ZBTB17: variants seen among roughly 807,000 people sequenced by gnomAD.
The protein encoded by ZBTB17 is zinc finger and BTB domain-containing protein 17.
ZBTB17 carries 24 observed loss-of-function variants against 85.1 expected under a neutral mutation model. The ratio of observed to expected loss-of-function variants is 0.28; its 90% CI spans 0.20 to 0.40. ZBTB17 has a LOEUF of 0.40. ZBTB17 is among the 10% of genes least tolerant of loss of function. The probability of loss-of-function intolerance (pLI) is 1.00; values close to 1 mark genes in which losing one functional copy is unlikely to be tolerated. For synonymous variants in ZBTB17, 464 were observed against 460.2 expected (o/e 1.01, Z -0.11); for missense variants, 743 against 1,105.1 (o/e 0.67, Z 4.65).
At chr1:15,946,040 G>C in intron 5 of ZBTB17, 114 bp downstream of exon 5, 2 of 1,568,620 alleles carry the variant, frequency 1.3e-6, no homozygotes, top group Non-Finnish European at 1.7e-6. Context: ...GGTAACACAG[G>C]CTCAAGAGGT....
chr1:15,975,582 C>T (rs2072840656), intron 1 of ZBTB17, among the ~76,000 whole-genome samples: 1 of 152,242 alleles, frequency 6.6e-6, no homozygotes, highest in Non-Finnish European at 1.5e-5. Flanking sequence ...TCCCTCCCGC[C>T]CCGGCCGGCC....
intron 2 of ZBTB17, among the ~76,000 whole-genome samples, chr1:15,948,734 A>T (rs2071714439): frequency 6.6e-6 from 1 of 152,222 alleles, no homozygotes; most frequent in Admixed American, 6.5e-5. Flanking sequence ...CAAACCAAAA[A>T]GCACTGGGGC....
At chr1:15,945,864 C>T (rs1339283842) in intron 5 of ZBTB17, 24 bp from the exon 6 acceptor site, 1 of 1,581,628 alleles carries the variant, frequency 6.3e-7, no homozygotes, top group Non-Finnish European at 8.6e-7. Flanking sequence ...GCACCGGAGG[C>T]TGGATTGCTA....
intron 2 of ZBTB17, among the ~76,000 whole-genome samples, chr1:15,950,882 C>T (rs1344164341): frequency 6.6e-6 from 1 of 152,236 alleles, no homozygotes; most frequent in African/African-American, 2.4e-5. Context: ...TGCCCTGGGG[C>T]TTCCTGGCAA....
In ZBTB17 at chr1:15,944,967, C is replaced by T; in HGVS notation, c.897G>A (p.Lys299=). 6.3e-7 allele frequency: 1 copy of T among 1,583,562 alleles called. No homozygotes were observed. The highest frequency in any genetic ancestry group is 1.1e-5 in the South Asian group (1 of 87,478). The part of the protein sequence containing the change: ...SGTYGDRTES[K]AYGSVIHKCE... ...ACTTGTGGATGACGGAGCCGTAGGC[C>T]TTGGACTCCGTGCGGTCGCCGTAGG... The change falls in exon 7 of 16, where the codon AAG becomes AAA. Residue 299 remains lysine (K), a synonymous_variant. Coordinates refer to ENST00000375743, the MANE Select transcript of ZBTB17 (RefSeq NM_003443.3).
At chr1:15,946,320 C>A (rs1342174760) in intron 4 of ZBTB17, 26 bp from the exon 5 acceptor site, 4 of 1,594,706 alleles carry the variant, frequency 2.5e-6, no homozygotes, top group Non-Finnish European at 3.4e-6. Flanking sequence ...GGCAGACCTG[C>A]CGTTTCCCAT....
intron 2 of ZBTB17, among the ~76,000 whole-genome samples, chr1:15,969,015 C>T (rs888136246): frequency 2.0e-5 from 3 of 152,206 alleles, no homozygotes; most frequent in Non-Finnish European, 2.9e-5. Context: ...CGAGTGAGCA[C>T]GCAAGTGAGC....
intron 2 of ZBTB17, among the ~76,000 whole-genome samples, chr1:15,961,796 C>G (rs868421653): frequency 6.6e-6 from 1 of 152,168 alleles, no homozygotes; most frequent in Non-Finnish European, 1.5e-5. Flanking sequence ...CTAGTAAGAC[C>G]AGGGAGGTGG....
At chr1:15,945,566 A>G (rs1312893709) in intron 6 of ZBTB17, 149 bp downstream of exon 6, 19 of 1,185,738 alleles carry the variant, frequency 1.6e-5, no homozygotes, top group Non-Finnish European at 2.2e-5. Context: ...AGAACATGCG[A>G]AGACCAAGGT....
At chr1:15,943,219 G>A (rs763695708) in intron 12 of ZBTB17, 25 bp from the exon 13 acceptor site, 19 of 1,613,948 alleles carry the variant, frequency 1.2e-5, no homozygotes, top group African/African-American at 1.3e-5. Context: ...GAAGGGACTC[G>A]CATGGAACTG....
Position 15,952,056 on chromosome 1 carries a change from G to A in ZBTB17, c.-2-3559C>T, listed in dbSNP as rs1304519341. On this transcript the variant is annotated intron_variant, in intron 2 of 15. Transcript: ENST00000375743. The surrounding 1 kb of genome is among the most constrained non-coding windows in gnomAD (Gnocchi z 4.3). The stretch of plus-strand genomic sequence containing the variant: ...CTTGTCTTCACCTTGCGTGATGGGC[G>A]ATAAATATGTGCACTAGTTAAAGCA... 6.6e-6 allele frequency among the ~76,000 whole-genome samples: 1 copy of A among 152,154 alleles called. No homozygotes were observed. Among genetic ancestry groups the A allele is most frequent in the Non-Finnish European group, 1.5e-5 (1 of 68,044 alleles).
At chr1:15,944,911 G>A (rs1226635442) in intron 7 of ZBTB17, 26 bp downstream of exon 7, 2 of 1,563,200 alleles carry the variant, frequency 1.3e-6, no homozygotes, top group Admixed American at 1.9e-5. Flanking sequence ...ACGCTGGCTG[G>A]GAGGGCTGGC....
chr1:15,960,716 A>T (rs901359462), intron 2 of ZBTB17, among the ~76,000 whole-genome samples: 2 of 152,258 alleles, frequency 1.3e-5, no homozygotes, highest in African/African-American at 4.8e-5. Flanking sequence ...GAAGGGCCGG[A>T]TGGCCCATGA....
Position 15,942,596 on chromosome 1 carries a change from G to A in ZBTB17, c.1971C>T (p.Val657=), listed in dbSNP as rs1196172869. 3.1e-6 allele frequency: 5 copies of A among 1,613,098 alleles called. No homozygotes were observed. Among genetic ancestry groups the A allele is most frequent in the Non-Finnish European group, 8.5e-7 (1 of 1,180,046 alleles). ...CCAGCGTGACCATGTCATCCACAGT[G>A]ACCACGCTGACCTCACTGCCCTCCT... ...EPEEGSEVSV[V]TVDDMVTLAT... The change falls in exon 14 of 16, where the codon GTC becomes GTT. Residue 657 remains valine (V), a synonymous_variant. Transcript: ENST00000375743.
chr1:15,968,097 A>G (rs2072510281), intron 2 of ZBTB17, among the ~76,000 whole-genome samples: 1 of 152,196 alleles, frequency 6.6e-6, no homozygotes, highest in African/African-American at 2.4e-5. Flanking sequence ...TCTGGCCCCA[A>G]ATGTCAGAAG....
rs1369323889 is a variant in ZBTB17, at chr1:15,946,967, G to A, written c.362C>T (p.Pro121Leu). 6.2e-7 allele frequency: 1 copy of A among 1,613,550 alleles called. No homozygotes were observed. The highest frequency in any genetic ancestry group is 1.7e-5 in the Admixed American group (1 of 60,012). ...GGCCAAGGCCTCCGCATTTCCCCCAGGGCTGGTAGCCGGCTCAGCAAGTGA... is the reference window on the plus strand; with the variant it reads ...GGCCAAGGCCTCCGCATTTCCCCCAAGGCTGGTAGCCGGCTCAGCAAGTGA... ...LKSLAEPATSPGGNAEALATE... is the reference protein window; with the variant it reads ...LKSLAEPATSLGGNAEALATE... The change falls in exon 4 of 16, where the codon CCT becomes CTT. Residue 121 changes from proline (P) to leucine (L), a missense_variant. This residue lies in a region of ZBTB17 where 279 missense variants were observed against 269.9 expected (regional missense o/e 1.03). Transcript: ENST00000375743.
rs1409628100 is a variant in ZBTB17 at position 15,953,422 on chromosome 1, G to A, written c.-2-4925C>T. Reference sequence around the variant, plus strand: ...CTGGGTTGCTCCCAACCACACTCCCGGCCATGCTCACCAGGGCTGCCTTGA... The same window carrying A: ...CTGGGTTGCTCCCAACCACACTCCCAGCCATGCTCACCAGGGCTGCCTTGA... On this transcript the variant is annotated intron_variant, in intron 2 of 15. Transcript: ENST00000375743. This position sits in a 1 kb window ranked among gnomAD's most constrained non-coding sequence, Gnocchi z 5.1. Among the ~76,000 whole-genome samples, 5 of 152,172 alleles carry A rather than the reference G, an allele frequency of 3.3e-5. No homozygotes were observed. The highest frequency in any genetic ancestry group is 1.9e-4 in the East Asian group (1 of 5,194).
At chr1:15,957,788 T>A (rs2072104943) in intron 2 of ZBTB17, among the ~76,000 whole-genome samples, 1 of 152,024 alleles carries the variant, frequency 6.6e-6, no homozygotes, top group East Asian at 1.9e-4. Flanking sequence ...CAAGCAGATG[T>A]GCGTTGTGAC....
chr1:15,971,434 CACACTATA>C (rs1452051237), intron 2 of ZBTB17, among the ~76,000 whole-genome samples: 3 of 117,682 alleles, frequency 2.5e-5, no homozygotes, highest in Admixed American at 8.6e-5. Context: ...TATATACACA[CACACTATA>C]TATATACACA....
Sources: allele counts gnomAD v4.1 joint callset (sites outside exome capture counted in the v4.1 genomes callset), GRCh38; gene constraint gnomAD v4.1.1; regional missense constraint gnomAD v4.1.1; non-coding constraint Gnocchi (gnomAD v3.1); transcripts MANE v1.5; gene names NCBI Gene and HGNC (gene_info 2026-07-23, HGNC 2026-07-21).